UNC5D: variants seen among roughly 807,000 people sequenced by gnomAD.
UNC5D encodes netrin receptor UNC5D.
Under a neutral mutation model 105.4 loss-of-function variants are expected in UNC5D, and 39 were observed. The ratio of observed to expected loss-of-function variants is 0.37; its 90% CI spans 0.29 to 0.48. UNC5D has a LOEUF of 0.48. Ranked by LOEUF, UNC5D falls within the 20% of genes least tolerant of loss-of-function variation. The pLI is 0.98. For synonymous variants in UNC5D, 452 were observed against 450.4 expected (o/e 1.00, Z -0.04); for missense variants, 991 against 1,202.4 (o/e 0.82, Z 2.60).
At chr8:35,306,945 A>C (rs1808466516) in intron 1 of UNC5D, among the ~76,000 whole-genome samples, 1 of 152,124 alleles carries the variant, frequency 6.6e-6, no homozygotes, top group Non-Finnish European at 1.5e-5. Context: ...AGTTTGAGCT[A>C]TTTGTCAAAT....
At chr8:35,693,320 T>G (rs1826532548) in intron 7 of UNC5D, among the ~76,000 whole-genome samples, 2 of 152,184 alleles carry the variant, frequency 1.3e-5, no homozygotes, top group East Asian at 3.8e-4. Context: ...CGCAACAAAT[T>G]ACCGTAACGC....
chr8:35,338,866 G>T, intron 1 of UNC5D, among the ~76,000 whole-genome samples: 1 of 151,890 alleles, frequency 6.6e-6, no homozygotes, highest in African/African-American at 2.4e-5. Flanking sequence ...ACAGGATCAG[G>T]CCCTTGAAAG....
chr8:35,274,777 T>C lies in UNC5D; in HGVS notation c.103+38890T>C, dbSNP rs966527044. Among the ~76,000 whole-genome samples the C allele has an allele frequency of 2.4e-4, 37 of 152,330 alleles. 1 individual carries two copies. Among genetic ancestry groups the C allele is most frequent in the Non-Finnish European group, 8.8e-5 (6 of 68,040 alleles). On this transcript the variant is annotated intron_variant, in intron 1 of 16. Transcript: ENST00000404895. ...AACCACAACCCAAGAACATTTTTGT[T>C]GGCAAAATGATTTAATATATGCATA...
chr8:35,636,412 G>T (rs1822373688), intron 4 of UNC5D, among the ~76,000 whole-genome samples: 1 of 152,198 alleles, frequency 6.6e-6, no homozygotes, highest in South Asian at 2.1e-4. Context: ...AATTATGGGT[G>T]TTTGGCAGCA....
chr8:35,758,180 T>C (rs1275378940), intron 13 of UNC5D, among the ~76,000 whole-genome samples: 1 of 152,254 alleles, frequency 6.6e-6, no homozygotes, highest in Non-Finnish European at 1.5e-5. Context: ...TAACAGTTTA[T>C]GTGTACGTGA....
intron 3 of UNC5D, among the ~76,000 whole-genome samples, chr8:35,583,344 C>A (rs1451686071): frequency 1.3e-5 from 2 of 152,008 alleles, no homozygotes; most frequent in Non-Finnish European, 2.9e-5. Flanking sequence ...CAGAGAGAGA[C>A]CCAATCTCTA....
intron 1 of UNC5D, among the ~76,000 whole-genome samples, chr8:35,264,114 A>G (rs1391009373): frequency 6.6e-6 from 1 of 152,228 alleles, no homozygotes; most frequent in East Asian, 1.9e-4. Context: ...TGTAAGATAA[A>G]GTAGCATTTT....
intron 4 of UNC5D, among the ~76,000 whole-genome samples, chr8:35,649,518 A>G (rs1823276116): frequency 6.6e-6 from 1 of 152,206 alleles, no homozygotes; most frequent in Non-Finnish European, 1.5e-5. Flanking sequence ...ATTAATTTGA[A>G]TGATTGCCTG....
At position 35,545,678 on chromosome 8, in the gene UNC5D, C is replaced by G. The variant is rs149530185; in HGVS notation, c.104-3614C>G. On this transcript the variant is annotated intron_variant, in intron 1 of 16. Transcript: ENST00000404895. ...AAAAAAAAAAAGATTCTTATTTTCA[C>G]CTACCTCATTTTTTAGACGGATGCA... Among the ~76,000 whole-genome samples, 547 of 152,072 alleles carry G rather than the reference C, an allele frequency of 3.6e-3. 7 individuals carry two copies. The highest frequency in any genetic ancestry group is 0.013 in the African/African-American group (522 of 41,496).
chr8:35,757,485 C>T (rs570206671), intron 13 of UNC5D, among the ~76,000 whole-genome samples: 6 of 152,242 alleles, frequency 3.9e-5, no homozygotes, highest in South Asian at 2.1e-4. Context: ...TACTACCTCC[C>T]CTAGTAATGT....
chr8:35,762,181 G>T (rs953209512), intron 14 of UNC5D, among the ~76,000 whole-genome samples: 6 of 152,032 alleles, frequency 3.9e-5, no homozygotes, highest in Non-Finnish European at 8.8e-5. Flanking sequence ...TCCCAGAAAG[G>T]TACAAGCTAG....
At chr8:35,380,165 C>T (rs1391162204) in intron 1 of UNC5D, among the ~76,000 whole-genome samples, 8 of 118,918 alleles carry the variant, frequency 6.7e-5, no homozygotes, top group African/African-American at 2.6e-4. Context: ...GAGGGAGAGA[C>T]AGAGACCAAG....
intron 4 of UNC5D, among the ~76,000 whole-genome samples, chr8:35,598,792 TA>T (rs1248296641): frequency 2.6e-5 from 4 of 152,186 alleles, no homozygotes; most frequent in Admixed American, 2.6e-4. Context: ...TCAAGTGCAA[TA>T]AGCCAGATAC....
At chr8:35,259,835 A>T (rs1804329255) in intron 1 of UNC5D, among the ~76,000 whole-genome samples, 1 of 151,274 alleles carries the variant, frequency 6.6e-6, no homozygotes, top group Non-Finnish European at 1.5e-5. Flanking sequence ...AAAAAGGTGG[A>T]GGAAGTGGGG....
intron 1 of UNC5D, among the ~76,000 whole-genome samples, chr8:35,321,212 G>T (rs1283618366): frequency 6.6e-6 from 1 of 152,126 alleles, no homozygotes; most frequent in East Asian, 1.9e-4. Flanking sequence ...TCAGCAAACA[G>T]ACAAAAACTA....
intron 4 of UNC5D, among the ~76,000 whole-genome samples, chr8:35,673,862 G>A (rs1825010060): frequency 1.3e-5 from 2 of 152,102 alleles, no homozygotes; most frequent in African/African-American, 4.8e-5. Flanking sequence ...AACATTTTAG[G>A]ACATTAGGAT....
In UNC5D at chr8:35,298,471, T is replaced by C. The variant is rs113331472; in HGVS notation, c.103+62584T>C. On this transcript the variant is annotated intron_variant, in intron 1 of 16. Transcript: ENST00000404895. ...GAGATGGGGGATGGGCAAGGCTCCT[T>C]TGACACTTTAACAAAACACAATTTA... 3.9e-3 allele frequency among the ~76,000 whole-genome samples: 598 copies of C among 152,276 alleles called. 6 individuals carry two copies. The highest frequency in any genetic ancestry group is 0.014 in the African/African-American group (562 of 41,572).
intron 1 of UNC5D, among the ~76,000 whole-genome samples, chr8:35,463,183 C>T (rs1563442682): frequency 6.6e-6 from 1 of 152,160 alleles, no homozygotes; most frequent in Non-Finnish European, 1.5e-5. Flanking sequence ...CATCCCTGCC[C>T]ACAGAGCACA....
intron 1 of UNC5D, among the ~76,000 whole-genome samples, chr8:35,505,949 G>A (rs749270672): frequency 6.6e-6 from 1 of 152,148 alleles, no homozygotes; most frequent in Non-Finnish European, 1.5e-5. Flanking sequence ...ATAATACACC[G>A]AAATATTTCA....
Sources: allele counts gnomAD v4.1 joint callset (sites outside exome capture counted in the v4.1 genomes callset), GRCh38; gene constraint gnomAD v4.1.1; transcripts MANE v1.5; gene names NCBI Gene and HGNC (gene_info 2026-07-23, HGNC 2026-07-21).